The following PDE6C variants were observed in gnomAD, a reference collection of about 807,000 sequenced individuals.
PDE6C encodes the protein cone cGMP-specific 3',5'-cyclic phosphodiesterase subunit alpha'.
Under a neutral mutation model 113.1 loss-of-function variants are expected in PDE6C, and 75 were observed. The ratio of observed to expected loss-of-function variants is 0.66; its 90% CI spans 0.55 to 0.80. The LOEUF (loss-of-function observed/expected upper bound fraction) is 0.80. Among genes scored for constraint, PDE6C ranks in the 30% least tolerant of loss-of-function variants. The pLI, the probability that PDE6C is intolerant of heterozygous loss-of-function variation, is 0.00. For synonymous variants in PDE6C, 375 were observed against 363.7 expected, an observed-to-expected ratio of 1.03 and a Z score of -0.35; for missense variants, 912 against 1,038.6, an observed-to-expected ratio of 0.88 and a Z score of 1.67.
intron 3 of PDE6C, 81 bp downstream of exon 3, chr10:93,621,061 C>A: frequency 8.7e-7 from 1 of 1,144,880 alleles, no homozygotes; most frequent in Non-Finnish European, 1.3e-6. Flanking sequence ...CAGACCCCTC[C>A]TATTCCTCCT....
intron 10 of PDE6C, 55 bp from the exon 11 acceptor site, chr10:93,636,940 A>C: frequency 1.1e-6 from 1 of 909,844 alleles, no homozygotes; most frequent in South Asian, 1.3e-5. Context: ...TAGAGGAATC[A>C]GATGGAAATC....
intron 19 of PDE6C, 146 bp downstream of exon 19, chr10:93,662,279 A>G: frequency 1.4e-6 from 1 of 707,260 alleles, no homozygotes; most frequent in East Asian, 2.7e-5. Flanking sequence ...CCTGACCAAC[A>G]TGGTGTAACC....
chr10:93,654,803 T>TTTC (rs1159118155), intron 15 of PDE6C, among the ~76,000 whole-genome samples: 18 of 92,640 alleles, frequency 1.9e-4, no homozygotes, highest in Non-Finnish European at 3.5e-4. Flanking sequence ...TCTTTCTTTC[T>TTTC]TTCTTTCTTT....
In PDE6C at chr10:93,640,132, C is replaced by G. The variant is rs748324354; in HGVS notation, c.1545C>G (p.Pro515=). Residue 515 remains proline, a synonymous_variant, in exon 12 of 22, where the codon CCC becomes CCG. Coordinates refer to ENST00000371447, the MANE Select transcript of PDE6C (RefSeq NM_006204.4). ...ELYEFRFSDF[P]LTEHGLIKCG... ...ACGAATTCCGCTTCAGTGACTTCCC[C>G]CTTACAGAGCACGGATTGATTAAAT... is the stretch of plus-strand genomic sequence containing the variant. The G allele has an allele frequency of 2.3e-5, 37 of 1,613,864 alleles. No individual in the cohort carries two copies. The highest frequency in any genetic ancestry group is 2.9e-5 in the Non-Finnish European group (34 of 1,179,786).
rs67350128 is a variant in PDE6C, at chr10:93,622,639, G to GTTTTTTTTTTTT, written c.864+577_864+578insTTTTTTTTTTTT. Among the ~76,000 whole-genome samples the GTTTTTTTTTTTT allele has an allele frequency of 4.6e-4, 52 of 113,960 alleles. 2 individuals are homozygous for GTTTTTTTTTTTT. Among genetic ancestry groups the GTTTTTTTTTTTT allele is most frequent in the African/African-American group, 1.6e-3 (42 of 26,736 alleles). 74.8% of individuals were successfully genotyped at this position (113,960 alleles called of 152,430 possible). The stretch of plus-strand genomic sequence containing the variant: ...CCTTCCAAACTCCTGGTAGCCACAG[G>GTTTTTTTTTTTT]TTTTTTTTTTGTTTTTTTTTTTGTT... On this transcript the variant is annotated intron_variant, in intron 4 of 21. Transcript: ENST00000371447.
At chr10:93,613,605 A>G (rs1019309345) in intron 1 of PDE6C, among the ~76,000 whole-genome samples, 1 of 152,218 alleles carries the variant, frequency 6.6e-6, no homozygotes. Flanking sequence ...CAACGTGCCC[A>G]GATGCCAAGA....
At chr10:93,623,506 C>A (rs2058458429) in intron 4 of PDE6C, among the ~76,000 whole-genome samples, 1 of 152,100 alleles carries the variant, frequency 6.6e-6, no homozygotes, top group Admixed American at 6.6e-5. Flanking sequence ...ATGGATTGTG[C>A]TTTTGGTGCT....
At chr10:93,622,416 A>G (rs547810474) in intron 4 of PDE6C, among the ~76,000 whole-genome samples, 1 of 152,026 alleles carries the variant, frequency 6.6e-6, no homozygotes, top group African/African-American at 2.4e-5. Context: ...AATATCTTGC[A>G]TTAGTGTGGT....
chr10:93,657,182 C>A (rs1341413795), intron 16 of PDE6C, among the ~76,000 whole-genome samples: 1 of 151,024 alleles, frequency 6.6e-6, no homozygotes, highest in Non-Finnish European at 1.5e-5. Flanking sequence ...GGTTTTTTTG[C>A]GACGGAGTCT....
chr10:93,625,140 C>T (rs1488821851), intron 4 of PDE6C, among the ~76,000 whole-genome samples: 2 of 152,162 alleles, frequency 1.3e-5, no homozygotes, highest in Admixed American at 6.5e-5. Context: ...ACTCAAATCG[C>T]ATCAGGTTAT....
At position 93,659,084 on chromosome 10, in the gene PDE6C, T is replaced by A. The variant is rs1564805941; in HGVS notation, c.2145-20T>A. ...TTTTGTACTTATTTCTATTTTAAAA[T>A]TTTTTGTTTTCTTCCTAAGGGCAAT... is the stretch of plus-strand genomic sequence containing the variant. On this transcript the variant is annotated intron_variant, in intron 17 of 21. Coordinates refer to ENST00000371447, the MANE Select transcript of PDE6C (RefSeq NM_006204.4). 1 of 1,602,444 alleles carries A rather than the reference T, an allele frequency of 6.2e-7. No homozygotes were observed. Among genetic ancestry groups the A allele is most frequent in the Non-Finnish European group, 8.5e-7 (1 of 1,171,996 alleles).
intron 4 of PDE6C, among the ~76,000 whole-genome samples, chr10:93,625,223 C>T (rs938372969): frequency 1.3e-5 from 2 of 152,142 alleles, no homozygotes; most frequent in African/African-American, 4.8e-5. Flanking sequence ...GTGACCTTGG[C>T]CAAGCCTTTT....
intron 1 of PDE6C, among the ~76,000 whole-genome samples, chr10:93,620,089 A>G (rs1160638752): frequency 6.6e-6 from 1 of 152,154 alleles, no homozygotes; most frequent in East Asian, 1.9e-4. Flanking sequence ...AGCATGGAGA[A>G]AGGCATAGGA....
At chr10:93,650,591 A>T (rs1376226731) in intron 15 of PDE6C, among the ~76,000 whole-genome samples, 3 of 152,222 alleles carry the variant, frequency 2.0e-5, no homozygotes, top group Non-Finnish European at 2.9e-5. Context: ...TTTATCTTAA[A>T]TAAAAGGTAT....
chr10:93,625,596 A>G lies in PDE6C; in HGVS notation c.886A>G (p.Ile296Val), dbSNP rs1233110611. 2 of 1,613,646 alleles carry G rather than the reference A, an allele frequency of 1.2e-6. No individual in the cohort carries two copies. The highest frequency in any genetic ancestry group is 3.3e-5 in the Admixed American group (2 of 60,026). Residue 296 changes from isoleucine to valine, a missense_variant, in exon 5 of 22, where the codon ATC (isoleucine) becomes GTC (valine). Coordinates refer to ENST00000371447, the MANE Select transcript of PDE6C (RefSeq NM_006204.4). The part of the protein sequence containing the change: ...KEKEFYDEWP[I>V]KLGEVEPYKG... ...CCAGGAATTCTACGATGAATGGCCA[A>G]TCAAGCTTGGAGAAGTAGAGCCTTA...
At position 93,629,320 on chromosome 10, in the gene PDE6C, G is replaced by C. The variant is rs781706298; in HGVS notation, c.1119+15G>C. The C allele has an allele frequency of 1.9e-6, 3 of 1,593,486 alleles. No individual in the cohort carries two copies. The East Asian group carries it at 6.7e-5, about 36-fold the overall frequency. ...TCACATTTCAGGTAACTGCACTCTG[G>C]GTCAGACCTCACCTCTTGGGGCTGG... On this transcript the variant is annotated intron_variant, in intron 8 of 21. Coordinates refer to ENST00000371447, the MANE Select transcript of PDE6C (RefSeq NM_006204.4).
At chr10:93,615,678 G>A (rs531914451) in intron 1 of PDE6C, among the ~76,000 whole-genome samples, 22 of 152,170 alleles carry the variant, frequency 1.4e-4, no homozygotes, top group Non-Finnish European at 2.5e-4. Flanking sequence ...CACTGCGCCC[G>A]GCCCAGGCAT....
intron 7 of PDE6C, among the ~76,000 whole-genome samples, chr10:93,627,258 C>CAAGAAAAAAAAAAAAAAAAAAAAAAA: frequency 1.9e-5 from 1 of 52,580 alleles, no homozygotes; most frequent in Non-Finnish European, 3.6e-5. Flanking sequence ...TGAAACTCCA[C>CAAGAAAAAAAAAAAAAAAAAAAAAAA]AAAAAAAAAA....
chr10:93,637,137 T>C (rs898068221), intron 11 of PDE6C, 74 bp downstream of exon 11: 3 of 764,662 alleles, frequency 3.9e-6, no homozygotes, highest in Non-Finnish European at 6.9e-6. Context: ...TAGGACATGC[T>C]TTCTTGTTTT....
Sources: gnomAD v4.1 joint callset for allele counts (sites outside exome capture counted in the v4.1 genomes callset) on GRCh38, gnomAD v4.1.1 for gene constraint, MANE v1.5 for transcripts, NCBI Gene and HGNC (gene_info 2026-07-23, HGNC 2026-07-21) for gene names.